TSC22D2: variants seen among roughly 807,000 people sequenced by gnomAD.
The protein encoded by TSC22D2 is TSC22 domain family member 2.
A neutral mutation model predicts 50.1 loss-of-function variants in TSC22D2; 5 were observed. That is an observed-to-expected ratio of 0.10 (90% CI 0.05 to 0.21). The LOEUF (loss-of-function observed/expected upper bound fraction) is 0.21. TSC22D2 is among the 10% of genes least tolerant of loss of function. The probability of loss-of-function intolerance (pLI) is 1.00; values close to 1 mark genes in which losing one functional copy is unlikely to be tolerated. For missense variants in TSC22D2, 1,003 were observed against 1,015.5 expected (o/e 0.99, Z 0.17); for synonymous variants, 501 against 450.1 (o/e 1.11, Z -1.43).
intron 1 of TSC22D2, among the ~76,000 whole-genome samples, chr3:150,416,981 TTTTA>T (rs1191073526): frequency 6.6e-6 from 1 of 152,148 alleles, no homozygotes; most frequent in African/African-American, 2.4e-5. Context: ...GCTTCCATCC[TTTTA>T]AGTAGTACAT....
Position 150,409,738 on chromosome 3 carries a change from G to A in TSC22D2, c.388G>A (p.Ala130Thr), listed in dbSNP as rs943245165. ...GGCGGCGGCTGCCACTTCGGCCCCC[G>A]CCCCCGGAGCACCCGGCGGCCCCCA... Reference protein sequence around the residue: ...TLAAAATSAPAPGAPGGPQLA... With the variant: ...TLAAAATSAPTPGAPGGPQLA... Residue 130 changes from alanine (A) to threonine (T), a missense_variant, in exon 1 of 3, where the codon GCC (alanine) becomes ACC (threonine). Coordinates refer to ENST00000688009, the MANE Select transcript of TSC22D2 (RefSeq NM_001303264.2). The surrounding 1 kb of genome is among the most constrained non-coding windows in gnomAD (Gnocchi z 7.4). The A allele has an allele frequency of 1.2e-6, 2 of 1,600,246 alleles. No individual in the cohort carries two copies. The highest frequency in any genetic ancestry group is 1.7e-6 in the Non-Finnish European group (2 of 1,177,258).
At chr3:150,458,309 G>T in intron 2 of TSC22D2, 67 bp from the exon 3 acceptor site, 1 of 1,520,050 alleles carries the variant, frequency 6.6e-7, no homozygotes, top group Non-Finnish European at 8.9e-7. Flanking sequence ...CACCAAGTAG[G>T]CCAGAACCAG....
At chr3:150,413,336 C>G (rs1719662407) in intron 1 of TSC22D2, among the ~76,000 whole-genome samples, 1 of 152,098 alleles carries the variant, frequency 6.6e-6, no homozygotes, top group Non-Finnish European at 1.5e-5. Flanking sequence ...TATGTACAGT[C>G]CTATTTTAAA....
intron 2 of TSC22D2, 91 bp from the exon 3 acceptor site, chr3:150,458,285 G>C: frequency 7.6e-7 from 1 of 1,309,098 alleles, no homozygotes; most frequent in East Asian, 2.3e-5. Flanking sequence ...AGGAAAACTA[G>C]TATAAAAACT....
At chr3:150,444,824 G>T (rs1720827058) in intron 1 of TSC22D2, among the ~76,000 whole-genome samples, 1 of 152,054 alleles carries the variant, frequency 6.6e-6, no homozygotes, top group African/African-American at 2.4e-5. Flanking sequence ...AAAACCTAAT[G>T]ACCCTTTAGA....
chr3:150,425,304 C>T (rs1720144587), intron 1 of TSC22D2, among the ~76,000 whole-genome samples: 1 of 152,144 alleles, frequency 6.6e-6, no homozygotes, highest in Non-Finnish European at 1.5e-5. Flanking sequence ...GCAAGTGGAT[C>T]ACCTGAGGTC....
At position 150,410,573 on chromosome 3, in the gene TSC22D2, C is replaced by T. The variant is rs527569776; in HGVS notation, c.1223C>T (p.Ala408Val). Residue 408 changes from alanine to valine, a missense_variant, in exon 1 of 3, where the codon GCG becomes GTG. By Grantham distance (64) the Ala-to-Val change is moderately conservative (BLOSUM62 0). Transcript: ENST00000688009. ...STGAAASPAT[A>V]ATLPVGTGQN... ...GGCGCCGCAGCGAGCCCCGCCACGG[C>T]GGCCACCCTTCCCGTGGGCACCGGC... The T allele has an allele frequency of 1.9e-6, 3 of 1,552,358 alleles. No individual in the cohort carries two copies. The highest frequency in any genetic ancestry group is 4.8e-5 in the East Asian group (2 of 41,336).
intron 1 of TSC22D2, among the ~76,000 whole-genome samples, chr3:150,412,318 ATTTCT>A (rs1435029332): frequency 2.0e-5 from 3 of 152,148 alleles, no homozygotes; most frequent in Non-Finnish European, 2.9e-5. Context: ...ACAGTTAGAC[ATTTCT>A]TTGCTGGGGT....
At chr3:150,435,509 G>C (rs2108083597) in intron 1 of TSC22D2, among the ~76,000 whole-genome samples, 1 of 152,244 alleles carries the variant, frequency 6.6e-6, no homozygotes, top group East Asian at 1.9e-4. Context: ...CCAAGCATTG[G>C]TTTATCATGG....
rs1247948817 is a variant in TSC22D2 at position 150,464,447 on chromosome 3, A to G, written c.*5811A>G. On this transcript the variant is annotated 3_prime_UTR_variant, in exon 3 of 3. Transcript: ENST00000688009. ...TTTATAAAAAAAATGTTGACATGCAATTTAATTCTATTTCAATTTAGGTGC... is the reference window on the plus strand; with the variant it reads ...TTTATAAAAAAAATGTTGACATGCAGTTTAATTCTATTTCAATTTAGGTGC... The G allele has an allele frequency of 6.6e-6, 1 of 152,126 alleles. No homozygotes were observed. Among genetic ancestry groups the G allele is most frequent in the Admixed American group, 6.5e-5 (1 of 15,268 alleles). 9.4% of individuals were successfully genotyped at this position (152,126 alleles called of 1,614,324 possible). A position where few individuals can be genotyped will look rare whatever the true frequency, so the allele number is the denominator to read the frequency against.
At chr3:150,414,934 G>A (rs1050593792) in intron 1 of TSC22D2, among the ~76,000 whole-genome samples, 1 of 149,940 alleles carries the variant, frequency 6.7e-6, no homozygotes, top group African/African-American at 2.5e-5. Context: ...TAGGTTTACA[G>A]TTGATGTCTG....
At chr3:150,454,428 T>C (rs1450813396) in intron 1 of TSC22D2, among the ~76,000 whole-genome samples, 1 of 152,220 alleles carries the variant, frequency 6.6e-6, no homozygotes, top group Non-Finnish European at 1.5e-5. Context: ...TAAAAAGTTT[T>C]AAAAATAGAA....
chr3:150,438,568 TA>T, intron 1 of TSC22D2, among the ~76,000 whole-genome samples: 1 of 152,218 alleles, frequency 6.6e-6, no homozygotes, highest in Non-Finnish European at 1.5e-5. Flanking sequence ...TACATCAGTT[TA>T]AAAAAAGAAA....
At chr3:150,437,968 T>C (rs1720599031) in intron 1 of TSC22D2, among the ~76,000 whole-genome samples, 1 of 152,164 alleles carries the variant, frequency 6.6e-6, no homozygotes, top group Non-Finnish European at 1.5e-5. Context: ...ATCTTAAACC[T>C]TTAATTGGTT....
intron 2 of TSC22D2, 26 bp from the exon 3 acceptor site, chr3:150,458,350 G>T: frequency 1.3e-6 from 2 of 1,599,998 alleles, no homozygotes; most frequent in South Asian, 2.3e-5. Flanking sequence ...TCACTCTTTT[G>T]ACATTCCTAA....
intron 1 of TSC22D2, among the ~76,000 whole-genome samples, chr3:150,427,951 A>G (rs1471348019): frequency 6.6e-6 from 1 of 152,108 alleles, no homozygotes. Flanking sequence ...CAACCTTAGT[A>G]CAATTATCAA....
At chr3:150,451,487 A>G (rs1296010948) in intron 1 of TSC22D2, among the ~76,000 whole-genome samples, 1 of 152,218 alleles carries the variant, frequency 6.6e-6, no homozygotes, top group South Asian at 2.1e-4. Context: ...ATCCATGCTT[A>G]TGGTTTCACA....
chr3:150,447,022 G>A (rs1720909155), intron 1 of TSC22D2, among the ~76,000 whole-genome samples: 2 of 152,102 alleles, frequency 1.3e-5, no homozygotes, highest in Admixed American at 6.6e-5. Context: ...ATGAAAAGAT[G>A]AGCAAAAATT....
At chr3:150,443,553 G>A (rs1472807895) in intron 1 of TSC22D2, among the ~76,000 whole-genome samples, 1 of 152,176 alleles carries the variant, frequency 6.6e-6, no homozygotes, top group African/African-American at 2.4e-5. Context: ...TATGTGACCT[G>A]ATCCTCAATG....
Sources: gnomAD v4.1 joint callset for allele counts (sites outside exome capture counted in the v4.1 genomes callset) on GRCh38, gnomAD v4.1.1 for gene constraint, Gnocchi (gnomAD v3.1) non-coding constraint, MANE v1.5 for transcripts, NCBI Gene and HGNC (gene_info 2026-07-23, HGNC 2026-07-21) for gene names.